NUGGC: variants seen among roughly 807,000 people sequenced by gnomAD.
NUGGC encodes the protein nuclear GTPase SLIP-GC.
In NUGGC, 58 loss-of-function variants were observed where a neutral mutation model predicts 92.6. That is an observed-to-expected ratio of 0.63 (90% CI 0.51 to 0.78). The LOEUF is 0.78. NUGGC is among the 30% of genes least tolerant of loss of function. The pLI is 0.00. For missense variants in NUGGC, 925 were observed against 964.6 expected, an observed-to-expected ratio of 0.96 and a Z score of 0.54; for synonymous variants, 376 against 366.4, an observed-to-expected ratio of 1.03 and a Z score of -0.30.
chr8:28,068,735 T>G (rs1378353057), intron 4 of NUGGC, among the ~76,000 whole-genome samples: 4 of 152,170 alleles, frequency 2.6e-5, no homozygotes, highest in Non-Finnish European at 5.9e-5. Flanking sequence ...ATATTCTTTT[T>G]TTTGTTTGTT....
chr8:28,062,851 AC>A (rs1044428262), intron 7 of NUGGC, among the ~76,000 whole-genome samples: 7 of 152,080 alleles, frequency 4.6e-5, no homozygotes, highest in African/African-American at 1.7e-4. Context: ...TTTCAGACCG[AC>A]CCCACACAAA....
intron 1 of NUGGC, among the ~76,000 whole-genome samples, chr8:28,083,555 C>T (rs1810901888): frequency 6.6e-6 from 1 of 152,126 alleles, no homozygotes; most frequent in Non-Finnish European, 1.5e-5. Flanking sequence ...CAAGCACAGA[C>T]TTTAGTTTAA....
At chr8:28,079,626 A>G (rs28742922) in intron 1 of NUGGC, among the ~76,000 whole-genome samples, 7,084 of 152,284 alleles carry the variant, frequency 0.047, 575 homozygotes, top group African/African-American at 0.16. Flanking sequence ...ACATAGTAAG[A>G]TTATGGCAAT....
intron 10 of NUGGC, among the ~76,000 whole-genome samples, chr8:28,053,353 T>C (rs1420959877): frequency 6.6e-6 from 1 of 151,988 alleles, no homozygotes. Flanking sequence ...CCTAGCTCCT[T>C]GGGAGGCTGG....
intron 2 of NUGGC, among the ~76,000 whole-genome samples, chr8:28,071,490 G>A (rs1219955591): frequency 6.6e-6 from 1 of 152,150 alleles, no homozygotes; most frequent in Non-Finnish European, 1.5e-5. Context: ...CAAAATTTGG[G>A]GAAATTTTTT....
intron 1 of NUGGC, among the ~76,000 whole-genome samples, chr8:28,077,041 C>G (rs962582516): frequency 1.3e-5 from 2 of 152,072 alleles, no homozygotes; most frequent in African/African-American, 2.4e-5. Flanking sequence ...AAATTTTAAG[C>G]CTTCTTCAAA....
In NUGGC at chr8:28,058,287, A is replaced by G. The variant is rs1810201137; in HGVS notation, c.1098-11T>C. On this transcript the variant is annotated splice_polypyrimidine_tract_variant and intron_variant, in intron 8 of 18. Coordinates refer to ENST00000413272, the MANE Select transcript of NUGGC (RefSeq NM_001010906.2). Reference sequence around the variant, plus strand: ...CCTGCCTTTCTTTCCCTGAAATGAAATTAGAAAAATGTAACAATTACTTAA... The same window carrying G: ...CCTGCCTTTCTTTCCCTGAAATGAAGTTAGAAAAATGTAACAATTACTTAA... 1.9e-6 allele frequency: 1 copy of G among 522,862 alleles called. No homozygotes were observed. Among genetic ancestry groups the G allele is most frequent in the South Asian group, 3.7e-5 (1 of 27,068 alleles). The allele number at this position is 522,862 out of a possible 1,614,324, so 32.4% of individuals were successfully genotyped here. A position where few individuals can be genotyped will look rare whatever the true frequency, so the allele number is the denominator to read the frequency against.
chr8:28,064,508 C>G lies in NUGGC; in HGVS notation c.921+14G>C. The G allele has an allele frequency of 6.2e-7, 1 of 1,612,006 alleles. No homozygotes were observed. Among genetic ancestry groups the G allele is most frequent in the Non-Finnish European group, 8.5e-7 (1 of 1,178,126 alleles). ...TTTAGGGAAGAGAGAACTAAACCTACGAAAGACAGTCACCTTTTTCCACAT... is the reference window on the plus strand; with the variant it reads ...TTTAGGGAAGAGAGAACTAAACCTAGGAAAGACAGTCACCTTTTTCCACAT... On this transcript the variant is annotated intron_variant, in intron 7 of 18. Transcript: ENST00000413272.
At chr8:28,069,727 G>T in intron 3 of NUGGC, 75 bp from the exon 4 acceptor site, 1 of 830,024 alleles carries the variant, frequency 1.2e-6, no homozygotes. Flanking sequence ...GGAGGTGTCT[G>T]TTGAACATCG....
intron 1 of NUGGC, among the ~76,000 whole-genome samples, chr8:28,078,509 C>T (rs757528840): frequency 5.3e-5 from 8 of 152,120 alleles, no homozygotes; most frequent in Non-Finnish European, 8.8e-5. Flanking sequence ...GCTTTACCAC[C>T]CATCAATAAA....
At chr8:28,065,915 A>G (rs192309566) in intron 6 of NUGGC, among the ~76,000 whole-genome samples, 58 of 152,368 alleles carry the variant, frequency 3.8e-4, no homozygotes, top group Non-Finnish European at 7.3e-4. Context: ...AGAGAAGCCC[A>G]GGAAAAGGCA....
Position 28,041,073 on chromosome 8 carries a change from C to A in NUGGC, c.1589G>T (p.Cys530Phe). Residue 530 changes from cysteine to phenylalanine, a missense_variant, in exon 13 of 19, where the codon TGC becomes TTC. Transcript: ENST00000413272. The stretch of plus-strand genomic sequence containing the variant: ...CACCACCAAGCATGCTCTGAGGATG[C>A]AGCGGTAAGAAGTCCTGGCGGTCCT... The part of the protein sequence containing the change: ...GVRTARTSYR[C>F]ILRACLVRSK... 1 of 1,605,600 alleles carries A rather than the reference C, an allele frequency of 6.2e-7. No homozygotes were observed. The highest frequency in any genetic ancestry group is 1.1e-5 in the South Asian group (1 of 89,028).
Position 28,046,983 on chromosome 8 carries a change from G to GT in NUGGC, c.1312+523dup, listed in dbSNP as rs1563220330. On this transcript the variant is annotated intron_variant, in intron 11 of 18. Coordinates refer to ENST00000413272, the MANE Select transcript of NUGGC (RefSeq NM_001010906.2). ...CATGCCTGGCTTTTTTTGTTGTTGTGTTTTGAGACAGAGTTTCACTCTTGT... is the reference window on the plus strand; with the variant it reads ...CATGCCTGGCTTTTTTTGTTGTTGTGTTTTTGAGACAGAGTTTCACTCTTGT... Among the ~76,000 whole-genome samples, 414 of 150,972 alleles carry GT rather than the reference G, an allele frequency of 2.7e-3. 2 individuals carry two copies. The highest frequency in any genetic ancestry group is 9.9e-3 in the African/African-American group (406 of 41,060).
At chr8:28,074,133 G>A (rs1433522984) in intron 2 of NUGGC, among the ~76,000 whole-genome samples, 2 of 149,542 alleles carry the variant, frequency 1.3e-5, no homozygotes, top group African/African-American at 4.9e-5. Context: ...GGAAAAAGCC[G>A]CACTTATTTA....
At chr8:28,069,696 A>T (rs1385722734) in intron 3 of NUGGC, 44 bp from the exon 4 acceptor site, 2 of 1,052,422 alleles carry the variant, frequency 1.9e-6, no homozygotes, top group African/African-American at 3.1e-5. Flanking sequence ...CCTGGCAGGG[A>T]TAAAGTACTA....
At chr8:28,025,931 G>A (rs886578246) in intron 18 of NUGGC, among the ~76,000 whole-genome samples, 2 of 152,156 alleles carry the variant, frequency 1.3e-5, no homozygotes, top group Admixed American at 6.6e-5. Context: ...TAGAGGCAAC[G>A]AGTACTGCCA....
At position 28,068,232 on chromosome 8, in the gene NUGGC, T is replaced by G. The variant is rs1438199180; in HGVS notation, c.464A>C (p.His155Pro). Residue 155 changes from histidine (H) to proline (P), a missense_variant, in exon 5 of 19, where the codon CAC (histidine) becomes CCC (proline). Transcript: ENST00000413272. ...GCCVQYEAKIHLLSDQEWREE... is the reference protein window; with the variant it reads ...GCCVQYEAKIPLLSDQEWREE... ...AACACTTACCTGGTCAGACAGAAGGTGGATTTTGGCCTCATACTGCACACA... is the reference window on the plus strand; with the variant it reads ...AACACTTACCTGGTCAGACAGAAGGGGGATTTTGGCCTCATACTGCACACA... The G allele has an allele frequency of 6.5e-7, 1 of 1,548,336 alleles. No individual in the cohort carries two copies. Among genetic ancestry groups the G allele is most frequent in the East Asian group, 2.4e-5 (1 of 40,874 alleles).
intron 2 of NUGGC, among the ~76,000 whole-genome samples, chr8:28,070,797 G>A (rs1341488984): frequency 3.3e-5 from 5 of 150,726 alleles, no homozygotes; most frequent in African/African-American, 4.9e-5. Context: ...ATGTTGCCCA[G>A]GCTGGTCTCG....
chr8:28,060,648 A>C, intron 7 of NUGGC, 47 bp from the exon 8 acceptor site: 1 of 1,554,680 alleles, frequency 6.4e-7, no homozygotes, highest in South Asian at 1.2e-5. Flanking sequence ...ATGGAGTCAC[A>C]GTTCCTGAGG....
Sources: allele counts gnomAD v4.1 joint callset (sites outside exome capture counted in the v4.1 genomes callset), GRCh38; gene constraint gnomAD v4.1.1; transcripts MANE v1.5; gene names NCBI Gene and HGNC (gene_info 2026-07-23, HGNC 2026-07-21).